Variants in HSD17B12 observed in about 807,000 individuals in gnomAD.
HSD17B12 encodes very-long-chain 3-oxoacyl-CoA reductase.
A neutral mutation model predicts 39.3 loss-of-function variants in HSD17B12; 32 were observed. That is an observed-to-expected ratio of 0.81 (90% CI 0.61 to 1.09). The LOEUF (loss-of-function observed/expected upper bound fraction) is 1.09, where lower values mean the gene tolerates loss of function less well. Ranked by LOEUF, HSD17B12 falls within the 50% of genes least tolerant of loss-of-function variation. The pLI, the probability that HSD17B12 is intolerant of heterozygous loss-of-function variation, is 0.00. For missense variants in HSD17B12, 342 were observed against 382.9 expected (o/e 0.89, Z 0.89); for synonymous variants, 150 against 146.7 (o/e 1.02, Z -0.16).
the HSD17B12 span, among the ~76,000 whole-genome samples, chr11:43,643,062 ATGGCAAATTGTTTCTG>A: frequency 3.3e-5 from 5 of 152,118 alleles, no homozygotes; most frequent in African/African-American, 1.2e-4. Flanking sequence ...GCCCTTTCAA[ATGGCAAATTGTTTCTG>A]TGGAAAAATC....
At chr11:43,640,296 G>A in the HSD17B12 span, among the ~76,000 whole-genome samples, 7 of 152,146 alleles carry the variant, frequency 4.6e-5, no homozygotes, top group Middle Eastern at 3.4e-3. Context: ...GTAAGAAATC[G>A]TAAAATTTTC....
rs539591121 is a variant in HSD17B12, at chr11:43,703,267, T to G, written c.160+22280T>G. 2.8e-3 allele frequency among the ~76,000 whole-genome samples: 428 copies of G among 151,972 alleles called. 4 individuals carry two copies. The highest frequency in any genetic ancestry group is 1.0e-2 in the African/African-American group (413 of 41,484). ...TGGAGTGCAGTGGCGGGATCTTGGC[T>G]CACTGCAAGCTCCGCCTCCCGGGTT... On this transcript the variant is annotated intron_variant, in intron 1 of 10. Coordinates refer to ENST00000278353, the MANE Select transcript of HSD17B12 (RefSeq NM_016142.3).
At chr11:43,784,079 T>TG (rs1950792571) in intron 3 of HSD17B12, among the ~76,000 whole-genome samples, 1 of 152,098 alleles carries the variant, frequency 6.6e-6, no homozygotes, top group South Asian at 2.1e-4. Context: ...TCAGCAGACT[T>TG]GCGTCTTAAG....
At chr11:43,748,922 T>C (rs1950441116) in intron 1 of HSD17B12, among the ~76,000 whole-genome samples, 1 of 152,176 alleles carries the variant, frequency 6.6e-6, no homozygotes, top group African/African-American at 2.4e-5. Flanking sequence ...TCTGGAAATA[T>C]TCCAGCTAAT....
chr11:43,562,446 T>TA, the HSD17B12 span, among the ~76,000 whole-genome samples: 5 of 152,376 alleles, frequency 3.3e-5, no homozygotes, highest in African/African-American at 1.2e-4. Flanking sequence ...TCTTGACATT[T>TA]AAAATGGGGA....
chr11:43,762,164 T>TG (rs1206351461), intron 3 of HSD17B12, among the ~76,000 whole-genome samples: 4 of 142,876 alleles, frequency 2.8e-5, no homozygotes, highest in African/African-American at 9.8e-5. Flanking sequence ...TGAGGGTTAG[T>TG]GAAAAATTAA....
chr11:43,822,811 T>C (rs991110061), intron 6 of HSD17B12, among the ~76,000 whole-genome samples: 2 of 152,188 alleles, frequency 1.3e-5, no homozygotes, highest in African/African-American at 2.4e-5. Context: ...TGTGTCTTTA[T>C]AGCAGCATGA....
chr11:43,586,163 T>C, the HSD17B12 span, among the ~76,000 whole-genome samples: 2 of 152,126 alleles, frequency 1.3e-5, no homozygotes, highest in African/African-American at 4.8e-5. Flanking sequence ...ATAAACATAA[T>C]CCAGGACAAC....
At chr11:43,663,124 C>T in the HSD17B12 span, among the ~76,000 whole-genome samples, 1 of 152,066 alleles carries the variant, frequency 6.6e-6, no homozygotes, top group East Asian at 1.9e-4. Flanking sequence ...ATCTGCCTGC[C>T]CAGGTTAGAG....
At chr11:43,702,892 G>A (rs1051885985) in intron 1 of HSD17B12, among the ~76,000 whole-genome samples, 14 of 152,084 alleles carry the variant, frequency 9.2e-5, no homozygotes, top group African/African-American at 2.7e-4. Flanking sequence ...TCTCTTTCCA[G>A]TTTGGCCCAG....
intron 4 of HSD17B12, among the ~76,000 whole-genome samples, chr11:43,810,945 A>C (rs1310101857): frequency 1.3e-5 from 2 of 152,236 alleles, no homozygotes; most frequent in Non-Finnish European, 2.9e-5. Flanking sequence ...CAACTATCTG[A>C]ATAATGTTGG....
chr11:43,636,866 T>G, the HSD17B12 span, among the ~76,000 whole-genome samples: 1 of 152,278 alleles, frequency 6.6e-6, no homozygotes, highest in East Asian at 1.9e-4. Flanking sequence ...AATCAAGTGC[T>G]CGATAATCAG....
At chr11:43,830,898 T>G (rs779394094) in intron 6 of HSD17B12, 78 bp from the exon 7 acceptor site, 48 of 1,126,324 alleles carry the variant, frequency 4.3e-5, no homozygotes, top group African/African-American at 7.7e-5. Flanking sequence ...TTCTTTTTAG[T>G]GTGGGTGAGT....
At chr11:43,643,347 T>C in the HSD17B12 span, among the ~76,000 whole-genome samples, 35 of 152,278 alleles carry the variant, frequency 2.3e-4, no homozygotes, top group African/African-American at 7.9e-4. Context: ...GAAATGCGTT[T>C]TTAAACTCTT....
intron 3 of HSD17B12, among the ~76,000 whole-genome samples, chr11:43,756,620 C>T (rs1950510018): frequency 1.3e-5 from 2 of 152,138 alleles, no homozygotes; most frequent in African/African-American, 4.8e-5. Context: ...AATAAAGGTA[C>T]ATAGGCAGAA....
the HSD17B12 span, among the ~76,000 whole-genome samples, chr11:43,583,929 T>G: frequency 6.6e-6 from 1 of 152,104 alleles, no homozygotes; most frequent in African/African-American, 2.4e-5. Context: ...CCCAGCCAAC[T>G]AGCTTAACTT....
intron 1 of HSD17B12, among the ~76,000 whole-genome samples, chr11:43,718,058 G>A (rs1308846441): frequency 6.6e-6 from 1 of 152,058 alleles, no homozygotes; most frequent in Non-Finnish European, 1.5e-5. Context: ...ACCCGCCTTG[G>A]CCTCCCGAAG....
the HSD17B12 span, chr11:43,581,275 G>T: frequency 2.2e-6 from 1 of 458,988 alleles, no homozygotes; most frequent in East Asian, 7.0e-5. The surrounding 1 kb of genome is among the most constrained non-coding windows in gnomAD (Gnocchi z 4.9). Flanking sequence ...CGGGCAGCGC[G>T]CGGAGTGGTG....
chr11:43,841,729 A>G (rs1951427894), intron 9 of HSD17B12, among the ~76,000 whole-genome samples: 1 of 152,184 alleles, frequency 6.6e-6, no homozygotes, highest in Admixed American at 6.5e-5. Context: ...GAGAAGTTGC[A>G]ATTTGTACCT....
Sources: gnomAD v4.1 joint callset for allele counts (sites outside exome capture counted in the v4.1 genomes callset) on GRCh38, gnomAD v4.1.1 for gene constraint, Gnocchi (gnomAD v3.1) non-coding constraint, MANE v1.5 for transcripts, NCBI Gene and HGNC (gene_info 2026-07-23, HGNC 2026-07-21) for gene names.